Variants in COL5A1 observed in about 807,000 individuals in gnomAD.
COL5A1 encodes the protein collagen alpha-1(V) chain.
Under a neutral mutation model 263.7 loss-of-function variants are expected in COL5A1, and 16 were observed. The ratio of observed to expected loss-of-function variants is 0.06; its 90% confidence interval spans 0.04 to 0.09. COL5A1 has a LOEUF of 0.09. Among genes scored for constraint, COL5A1 ranks in the 10% least tolerant of loss-of-function variants. The probability of loss-of-function intolerance (pLI) is 1.00; values close to 1 mark genes in which losing one functional copy is unlikely to be tolerated. For missense variants in COL5A1, 2,036 were observed against 2,540.5 expected, an observed-to-expected ratio of 0.80 and a Z score of 4.27; for synonymous variants, 1,012 against 1,004.5, an observed-to-expected ratio of 1.01 and a Z score of -0.14.
At chr9:134,714,387 T>C (rs1157469075) in intron 4 of COL5A1, among the ~76,000 whole-genome samples, 2 of 150,724 alleles carry the variant, frequency 1.3e-5, no homozygotes, top group East Asian at 3.9e-4. Flanking sequence ...ATGATGGTAG[T>C]GATGGTGGTG....
Position 134,820,301 on chromosome 9 carries a change from G to A in COL5A1, c.4554+78G>A, listed in dbSNP as rs1838942740. 3.4e-6 allele frequency: 4 copies of A among 1,175,936 alleles called. No homozygotes were observed. The South Asian group carries it at 3.7e-5, about 11-fold the overall frequency. 72.8% of individuals were successfully genotyped at this position (1,175,936 alleles called of 1,614,324 possible). Reference sequence around the variant, plus strand: ...CCTGGGGCAGGCACCCAGGGGACAGGAGGCCCATCAGAGCCCGGAAGGACG... The same window carrying A: ...CCTGGGGCAGGCACCCAGGGGACAGAAGGCCCATCAGAGCCCGGAAGGACG... On this transcript the variant is annotated intron_variant, in intron 58 of 65. Coordinates refer to ENST00000371817, the MANE Select transcript of COL5A1 (RefSeq NM_000093.5).
intron 7 of COL5A1, among the ~76,000 whole-genome samples, chr9:134,730,853 G>A (rs1243421746): frequency 1.3e-5 from 2 of 152,186 alleles, no homozygotes; most frequent in Non-Finnish European, 2.9e-5. Context: ...AGGCAGGATG[G>A]GGCTGGGAGC....
At chr9:134,739,913 A>G (rs1385376423) in intron 11 of COL5A1, among the ~76,000 whole-genome samples, 1 of 152,016 alleles carries the variant, frequency 6.6e-6, no homozygotes, top group African/African-American at 2.4e-5. Flanking sequence ...CCTTTGGAGG[A>G]GAAGGATTCA....
chr9:134,830,502 G>A (rs534925330), intron 64 of COL5A1: 20 of 469,840 alleles, frequency 4.3e-5, no homozygotes, highest in Non-Finnish European at 6.6e-5. Context: ...GAGGTCAGAC[G>A]CTCCAGAAGC....
intron 9 of COL5A1, 86 bp downstream of exon 9, chr9:134,732,213 G>C (rs377719991): frequency 1.4e-6 from 2 of 1,425,056 alleles, no homozygotes; most frequent in Non-Finnish European, 2.0e-6. Flanking sequence ...GAACAGGTCC[G>C]TGGGCCCCTG....
At chr9:134,785,317 C>T (rs1837416668) in intron 30 of COL5A1, among the ~76,000 whole-genome samples, 1 of 152,182 alleles carries the variant, frequency 6.6e-6, no homozygotes, top group Admixed American at 6.5e-5. Context: ...TCCCAGCCCT[C>T]CACCATCGCC....
rs1290914122 is a variant in COL5A1 at position 134,842,354 on chromosome 9, A to G, written c.*51A>G. ...AGCAACCTCGTGACCTCAGCATGCCATTCGTTCGTGAGTGTCCCGTGCACG... is the reference window on the plus strand; with the variant it reads ...AGCAACCTCGTGACCTCAGCATGCCGTTCGTTCGTGAGTGTCCCGTGCACG... On this transcript the variant is annotated 3_prime_UTR_variant, in exon 66 of 66. Coordinates refer to ENST00000371817, the MANE Select transcript of COL5A1 (RefSeq NM_000093.5). The surrounding 1 kb of genome is among the most constrained non-coding windows in gnomAD (Gnocchi z 5.8). 2 of 1,607,972 alleles carry G rather than the reference A, an allele frequency of 1.2e-6. No homozygotes were observed. Among genetic ancestry groups the G allele is most frequent in the East Asian group, 2.2e-5 (1 of 44,692 alleles).
chr9:134,728,744 G>A lies in COL5A1; in HGVS notation c.861G>A (p.Gly287=). The A allele has an allele frequency of 1.2e-6, 2 of 1,614,184 alleles. No homozygotes were observed. Among genetic ancestry groups the A allele is most frequent in the Non-Finnish European group, 1.7e-6 (2 of 1,180,032 alleles). The part of the protein sequence containing the change: ...YPYYEDPEDL[G]KEPTPSKKPV... ...ACTACGAAGACCCCGAAGACCTAGG[G>A]AAGGAGCCCACCCCCAGCAAGAAGC... The change falls in exon 6 of 66, where the codon GGG becomes GGA. Residue 287 remains glycine, a synonymous_variant. Coordinates refer to ENST00000371817, the MANE Select transcript of COL5A1 (RefSeq NM_000093.5).
At chr9:134,760,224 A>C (rs1340191899) in intron 18 of COL5A1, among the ~76,000 whole-genome samples, 17 of 98,106 alleles carry the variant, frequency 1.7e-4, no homozygotes, top group East Asian at 9.9e-4. Context: ...TGCACACACC[A>C]CATGCACACA....
At chr9:134,721,907 G>A (rs902057351) in intron 4 of COL5A1, among the ~76,000 whole-genome samples, 3 of 152,240 alleles carry the variant, frequency 2.0e-5, no homozygotes, top group Non-Finnish European at 4.4e-5. Flanking sequence ...ACCTGCATGT[G>A]TAGGGAAGAA....
intron 28 of COL5A1, 31 bp downstream of exon 28, chr9:134,780,177 CT>C (rs1837199931): frequency 6.2e-7 from 1 of 1,610,878 alleles, no homozygotes; most frequent in Non-Finnish European, 8.5e-7. Flanking sequence ...ACGGGGCCCC[CT>C]GCTTAGTCCG....
chr9:134,716,632 C>T lies in COL5A1; in HGVS notation c.655-10634C>T, dbSNP rs775193929. 1.9e-4 allele frequency among the ~76,000 whole-genome samples: 29 copies of T among 152,168 alleles called. No individual in the cohort carries two copies. Among genetic ancestry groups the T allele is most frequent in the Non-Finnish European group, 2.9e-4 (20 of 68,036 alleles). On this transcript the variant is annotated intron_variant, in intron 4 of 65. Transcript: ENST00000371817. This position sits in a 1 kb window ranked among gnomAD's most constrained non-coding sequence, Gnocchi z 4.5. ...CCCCCAGCCCCTGCCATTGGTGCTG[C>T]CATTTCGTCCCTTGGTCTAGAGATG...
intron 64 of COL5A1, among the ~76,000 whole-genome samples, chr9:134,834,757 C>T (rs1410556638): frequency 6.6e-6 from 1 of 152,148 alleles, no homozygotes; most frequent in Non-Finnish European, 1.5e-5. Flanking sequence ...ATTTAAGGCC[C>T]TGAAGGACAT....
At chr9:134,722,033 G>A (rs73564852) in intron 4 of COL5A1, among the ~76,000 whole-genome samples, 6,967 of 152,338 alleles carry the variant, frequency 0.046, 219 homozygotes, top group Non-Finnish European at 0.067. Flanking sequence ...CCTTCTCCAC[G>A]GGGGTGGTGT....
intron 48 of COL5A1, among the ~76,000 whole-genome samples, chr9:134,813,244 A>C (rs1376203835): frequency 6.6e-6 from 1 of 151,828 alleles, no homozygotes; most frequent in African/African-American, 2.4e-5. Context: ...ACATCGGTGC[A>C]TGTGTGTGTG....
At chr9:134,808,355 A>C (rs1838371041) in intron 42 of COL5A1, among the ~76,000 whole-genome samples, 2 of 152,194 alleles carry the variant, frequency 1.3e-5, no homozygotes, top group South Asian at 4.1e-4. Context: ...TGAGCAAAGC[A>C]AGAACTTAAG....
At position 134,678,512 on chromosome 9, in the gene COL5A1, G is replaced by T. The variant is rs1832744580; in HGVS notation, c.110-12400G>T. Among the ~76,000 whole-genome samples the T allele has an allele frequency of 6.6e-6, 1 of 152,206 alleles. No homozygotes were observed. The highest frequency in any genetic ancestry group is 1.5e-5 in the Non-Finnish European group (1 of 68,030). On this transcript the variant is annotated intron_variant, in intron 1 of 65. Coordinates refer to ENST00000371817, the MANE Select transcript of COL5A1 (RefSeq NM_000093.5). The surrounding 1 kb of genome is among the most constrained non-coding windows in gnomAD (Gnocchi z 5.5). ...AGGTGTGTTGGCTGGTGCCAGCCCC[G>T]GGAAGCTGTCTGCATCCCTGCAGGG...
chr9:134,838,256 C>G (rs192045617), intron 65 of COL5A1, among the ~76,000 whole-genome samples: 3 of 152,310 alleles, frequency 2.0e-5, no homozygotes, highest in Admixed American at 2.0e-4. Flanking sequence ...AGCCCCCTAC[C>G]GAGTGACGGC....
intron 6 of COL5A1, among the ~76,000 whole-genome samples, chr9:134,729,278 G>A (rs1408216166): frequency 1.3e-5 from 2 of 152,232 alleles, no homozygotes; most frequent in African/African-American, 4.8e-5. Flanking sequence ...GGAGGGTTGT[G>A]AGGGTGCGTG....
Sources: gnomAD v4.1 joint callset for allele counts (sites outside exome capture counted in the v4.1 genomes callset) on GRCh38, gnomAD v4.1.1 for gene constraint, Gnocchi (gnomAD v3.1) non-coding constraint, MANE v1.5 for transcripts, NCBI Gene and HGNC (gene_info 2026-07-23, HGNC 2026-07-21) for gene names.